The following POU6F2 variants were observed in gnomAD, a reference collection of about 807,000 sequenced individuals.
POU6F2 encodes the protein POU domain, class 6, transcription factor 2.
Under a neutral mutation model 71.3 loss-of-function variants are expected in POU6F2, and 31 were observed. That is an observed-to-expected ratio of 0.43 (90% CI 0.33 to 0.59). The LOEUF is 0.59. Ranked by LOEUF, POU6F2 falls within the 20% of genes least tolerant of loss-of-function variation. POU6F2 has a pLI of 0.04. For missense variants in POU6F2, 783 were observed against 856.8 expected, an observed-to-expected ratio of 0.91 and a Z score of 1.07; for synonymous variants, 347 against 355.7, an observed-to-expected ratio of 0.98 and a Z score of 0.27.
rs546580130 is a variant in POU6F2 at position 39,353,779 on chromosome 7, T to C, written c.972+13764T>C. Among the ~76,000 whole-genome samples the C allele has an allele frequency of 9.4e-4, 143 of 152,342 alleles. 1 individual carries two copies. The highest frequency in any genetic ancestry group is 1.1e-3 in the Non-Finnish European group (77 of 68,026). On this transcript the variant is annotated intron_variant, in intron 5 of 9. Transcript: ENST00000518318. ...TGGGGCTGCAGGTCTTCACACTTGA[T>C]GCCTGGATTTGACTCGGAAAGTCTG... is the stretch of plus-strand genomic sequence containing the variant.
intron 6 of POU6F2, among the ~76,000 whole-genome samples, chr7:39,419,441 T>A (rs139873873): frequency 2.2e-3 from 327 of 152,072 alleles, no homozygotes; most frequent in African/African-American, 7.5e-3. Context: ...AGTTTCACCA[T>A]GTTGTCTAGG....
chr7:39,123,274 ATG>A (rs1358884248), intron 2 of POU6F2, among the ~76,000 whole-genome samples: 1 of 152,148 alleles, frequency 6.6e-6, no homozygotes, highest in African/African-American at 2.4e-5. Context: ...TGATTATCTT[ATG>A]TTCCTATGGC....
At chr7:39,265,379 A>G (rs1024445028) in intron 4 of POU6F2, among the ~76,000 whole-genome samples, 1 of 152,186 alleles carries the variant, frequency 6.6e-6, no homozygotes, top group Non-Finnish European at 1.5e-5. Flanking sequence ...CTCCACCCCA[A>G]CTTCCCTCAG....
intron 2 of POU6F2, among the ~76,000 whole-genome samples, chr7:39,160,248 T>C (rs1792966216): frequency 6.6e-6 from 1 of 152,208 alleles, no homozygotes. Context: ...GAGCATCCAG[T>C]AGAGGAAGAC....
At chr7:39,093,170 T>C (rs1336270582) in intron 2 of POU6F2, among the ~76,000 whole-genome samples, 3 of 152,074 alleles carry the variant, frequency 2.0e-5, no homozygotes, top group African/African-American at 7.2e-5. Context: ...CCTGGAACAA[T>C]ATAACTAATA....
At chr7:39,167,674 T>C (rs529187208) in intron 2 of POU6F2, among the ~76,000 whole-genome samples, 144 of 152,210 alleles carry the variant, frequency 9.5e-4, no homozygotes, top group African/African-American at 3.3e-3. Flanking sequence ...CTACTTGTAT[T>C]TCTTTTACAA....
chr7:39,039,675 G>T (rs756080112), intron 1 of POU6F2, among the ~76,000 whole-genome samples: 1 of 151,282 alleles, frequency 6.6e-6, no homozygotes, highest in South Asian at 2.1e-4. Context: ...GTTGATAGTC[G>T]CAAATAAAAC....
At position 39,339,833 on chromosome 7, in the gene POU6F2, C is replaced by T. The variant is rs1346137802; in HGVS notation, c.790C>T (p.Pro264Ser). 1 of 1,592,810 alleles carries T rather than the reference C, an allele frequency of 6.3e-7. No homozygotes were observed. The highest frequency in any genetic ancestry group is 8.5e-7 in the Non-Finnish European group (1 of 1,169,730). ...PQQPPPASQQ[P>S]PAPTSQLQQA... is the part of the protein sequence containing the mutation. The stretch of plus-strand genomic sequence containing the variant: ...GCAGCCACCACCCGCCTCTCAGCAG[C>T]CGCCAGCTCCTACATCTCAGCTGCA... Residue 264 changes from proline to serine, a missense_variant, in exon 5 of 10, where the codon CCG (proline) becomes TCG (serine). By Grantham distance (74) the Pro-to-Ser change is moderately conservative. Around this residue, in one of 2 missense-constraint regions of POU6F2, gnomAD observed 572 missense variants for 572.9 expected, o/e 1.00. Coordinates refer to ENST00000518318, the MANE Select transcript of POU6F2 (RefSeq NM_001370959.1).
chr7:39,112,348 A>C (rs539782737), intron 2 of POU6F2, among the ~76,000 whole-genome samples: 1 of 152,330 alleles, frequency 6.6e-6, no homozygotes, highest in South Asian at 2.1e-4. Context: ...CGCTATAACA[A>C]AATGTTTCTG....
At chr7:39,237,608 A>G (rs985635226) in intron 4 of POU6F2, among the ~76,000 whole-genome samples, 9 of 152,122 alleles carry the variant, frequency 5.9e-5, no homozygotes, top group Non-Finnish European at 1.3e-4. Flanking sequence ...GTGTCCATAG[A>G]TGGAGGCCTG....
intron 1 of POU6F2, among the ~76,000 whole-genome samples, chr7:39,070,760 C>T (rs1348873405): frequency 6.6e-6 from 1 of 152,204 alleles, no homozygotes; most frequent in Non-Finnish European, 1.5e-5. Context: ...ATGTAAGTTA[C>T]ATACCCACAC....
At chr7:39,056,424 G>T (rs532533487) in intron 1 of POU6F2, among the ~76,000 whole-genome samples, 1 of 151,698 alleles carries the variant, frequency 6.6e-6, no homozygotes, top group Non-Finnish European at 1.5e-5. Context: ...CAATATATTC[G>T]AACATAATGC....
chr7:39,220,489 A>G (rs1409200017), intron 4 of POU6F2, among the ~76,000 whole-genome samples: 1 of 152,176 alleles, frequency 6.6e-6, no homozygotes, highest in Non-Finnish European at 1.5e-5. Flanking sequence ...CAGATAAGGC[A>G]TTTATGCAAC....
chr7:39,054,099 C>T (rs1790455823), intron 1 of POU6F2, among the ~76,000 whole-genome samples: 1 of 151,412 alleles, frequency 6.6e-6, no homozygotes, highest in African/African-American at 2.4e-5. Context: ...AAGACTCCAT[C>T]TCCAAAAAAA....
chr7:39,164,151 C>T (rs1183165324), intron 2 of POU6F2, among the ~76,000 whole-genome samples: 7 of 151,784 alleles, frequency 4.6e-5, no homozygotes, highest in African/African-American at 1.7e-4. Flanking sequence ...TTGAATTAGC[C>T]ATTCCGCAAT....
intron 1 of POU6F2, among the ~76,000 whole-genome samples, chr7:39,045,782 T>G (rs1307196451): frequency 6.6e-6 from 1 of 151,918 alleles, no homozygotes; most frequent in Non-Finnish European, 1.5e-5. Context: ...AAATTGGCCT[T>G]TTCCAGACAT....
At chr7:39,229,296 G>A (rs932704760) in intron 4 of POU6F2, among the ~76,000 whole-genome samples, 1 of 152,240 alleles carries the variant, frequency 6.6e-6, no homozygotes, top group Non-Finnish European at 1.5e-5. Flanking sequence ...CTTGTCTGAA[G>A]GATCAGCCAC....
At chr7:39,023,990 T>C (rs1169085465) in intron 1 of POU6F2, among the ~76,000 whole-genome samples, 1 of 152,174 alleles carries the variant, frequency 6.6e-6, no homozygotes, top group Non-Finnish European at 1.5e-5. Flanking sequence ...AGATGTGGGC[T>C]CTTTTTTGGT....
At chr7:39,344,666 T>C (rs896398504) in intron 5 of POU6F2, among the ~76,000 whole-genome samples, 13 of 151,934 alleles carry the variant, frequency 8.6e-5, no homozygotes, top group African/African-American at 2.9e-4. Flanking sequence ...CCCCAGCAAT[T>C]AGTCTTAATC....
Sources: gnomAD v4.1 joint callset for allele counts (sites outside exome capture counted in the v4.1 genomes callset) on GRCh38, gnomAD v4.1.1 for gene constraint, gnomAD v4.1.1 regional missense constraint, MANE v1.5 for transcripts, NCBI Gene and HGNC (gene_info 2026-07-23, HGNC 2026-07-21) for gene names.